The following NUP210 variants were observed in gnomAD, a reference collection of about 807,000 sequenced individuals.
The protein encoded by NUP210 is nuclear pore membrane glycoprotein 210.
Under a neutral mutation model 196.0 loss-of-function variants are expected in NUP210, and 151 were observed. That is an observed-to-expected ratio of 0.77 (90% CI 0.67 to 0.88). The LOEUF is 0.88. Ranked by LOEUF, NUP210 falls within the 40% of genes least tolerant of loss-of-function variation. The pLI is 0.00. For synonymous variants in NUP210, 1,070 were observed against 1,052.7 expected (o/e 1.02, Z -0.32); for missense variants, 2,314 against 2,493.7 (o/e 0.93, Z 1.53).
intron 20 of NUP210, chr3:13,345,052 T>C: frequency 1.0e-6 from 1 of 985,402 alleles, no homozygotes; most frequent in Non-Finnish European, 1.2e-6. Flanking sequence ...AGCACTCACA[T>C]GCCCTCGGGA....
rs1207205284 is a variant in NUP210, at chr3:13,378,967, T to G, written c.990A>C (p.Gln330His). The G allele has an allele frequency of 6.2e-7, 1 of 1,613,922 alleles. No individual in the cohort carries two copies. The highest frequency in any genetic ancestry group is 8.5e-7 in the Non-Finnish European group (1 of 1,179,906). The change falls in exon 8 of 40, where the codon CAA (glutamine) becomes CAC (histidine). Residue 330 changes from glutamine to histidine, a missense_variant. Physicochemically the swap from Gln to His is conservative, Grantham distance 24 (BLOSUM62 0). Transcript: ENST00000254508. ...LVLGHRSIRM[Q>H]GASRLPNSTI... ...TGCTGTTGGGTAACCTAGAAGCACC[T>G]TGCATGCGAATACCTGAATTTTGAA...
In NUP210 at chr3:13,321,762, T is replaced by C; in HGVS notation, c.4989A>G (p.Thr1663=). The change falls in exon 36 of 40, where the codon ACA becomes ACG. Residue 1663 remains threonine, a synonymous_variant. Coordinates refer to ENST00000254508, the MANE Select transcript of NUP210 (RefSeq NM_024923.4). ...AGAGGGAGGCACTGACCACCAGAGC[T>C]GTCTTCTTCATGCTCAGGTGCTTCC... is the stretch of plus-strand genomic sequence containing the variant. ...KQRKHLSMKK[T]ALVVSASLSS... is the part of the protein sequence containing the mutation. 1.2e-6 allele frequency: 2 copies of C among 1,613,362 alleles called. No individual in the cohort carries two copies. The highest frequency in any genetic ancestry group is 1.7e-6 in the Non-Finnish European group (2 of 1,180,016).
chr3:13,327,373 C>G lies in NUP210; in HGVS notation c.4351G>C (p.Val1451Leu). The change falls in exon 32 of 40, where the codon GTG becomes CTG. Residue 1451 changes from valine to leucine, a missense_variant. Physicochemically the swap from Val to Leu is conservative, Grantham distance 32. Transcript: ENST00000254508. ...CACACACGGAGCAGTGTCAGGCCCA[C>G]GCTGACTGTGCGGACAACGCAGGTG... is the stretch of plus-strand genomic sequence containing the variant. ...NNTCVVRTVSVGLTLLRVWDA... is the reference protein window; with the variant it reads ...NNTCVVRTVSLGLTLLRVWDA... 6.2e-7 allele frequency: 1 copy of G among 1,613,492 alleles called. No individual in the cohort carries two copies. The highest frequency in any genetic ancestry group is 8.5e-7 in the Non-Finnish European group (1 of 1,180,014).
rs1310321375 is a variant in NUP210, at chr3:13,353,675, A to G, written c.2522-15T>C. 4 of 1,610,616 alleles carry G rather than the reference A, an allele frequency of 2.5e-6. No individual in the cohort carries two copies. Among genetic ancestry groups the G allele is most frequent in the Non-Finnish European group, 3.4e-6 (4 of 1,176,848 alleles). ...GGCCTGCAAACCTGAGACCAGGAAG[A>G]AGGAAGCCACCGTTGGATGTCTGCC... On this transcript the variant is annotated splice_polypyrimidine_tract_variant and intron_variant, in intron 17 of 39. Coordinates refer to ENST00000254508, the MANE Select transcript of NUP210 (RefSeq NM_024923.4).
intron 22 of NUP210, 38 bp downstream of exon 22, chr3:13,341,958 C>T: frequency 1.2e-6 from 2 of 1,613,694 alleles, no homozygotes; most frequent in Non-Finnish European, 1.7e-6. Context: ...TCAGCACTGT[C>T]TCTGAGGTGC....
At chr3:13,416,726 A>T (rs1700359205) in intron 1 of NUP210, among the ~76,000 whole-genome samples, 1 of 152,212 alleles carries the variant, frequency 6.6e-6, no homozygotes, top group Non-Finnish European at 1.5e-5. Context: ...GTGCTCAGAC[A>T]CGGAGCCCTC....
At chr3:13,337,061 T>G (rs1697246108) in intron 26 of NUP210, 143 bp from the exon 27 acceptor site, 2 of 1,003,878 alleles carry the variant, frequency 2.0e-6, no homozygotes, top group South Asian at 3.0e-5. Context: ...GTTTGGGAAT[T>G]TTGATGAAAT....
At chr3:13,333,197 C>T (rs1008848097) in intron 28 of NUP210, among the ~76,000 whole-genome samples, 2 of 152,210 alleles carry the variant, frequency 1.3e-5, no homozygotes, top group East Asian at 1.9e-4. Context: ...GGTGGCTCCC[C>T]GAGCCCATGG....
At position 13,420,047 on chromosome 3, in the gene NUP210, C is replaced by A; in HGVS notation, c.167+13G>T. 2 of 1,262,368 alleles carry A rather than the reference C, an allele frequency of 1.6e-6. No homozygotes were observed. The highest frequency in any genetic ancestry group is 4.2e-5 in the East Asian group (1 of 24,056). The allele number at this position is 1,262,368 out of a possible 1,614,324, so 78.2% of individuals were successfully genotyped here. On this transcript the variant is annotated intron_variant, in intron 1 of 39. Coordinates refer to ENST00000254508, the MANE Select transcript of NUP210 (RefSeq NM_024923.4). The surrounding 1 kb of genome is among the most constrained non-coding windows in gnomAD (Gnocchi z 4.8). ...GGCCCACGGCGCCCGCCCGGCCCGGCCGCGCGCCTCACCAGCGGTAGCAGC... is the reference window on the plus strand; with the variant it reads ...GGCCCACGGCGCCCGCCCGGCCCGGACGCGCGCCTCACCAGCGGTAGCAGC...
At chr3:13,385,169 C>T (rs1304324920) in intron 6 of NUP210, among the ~76,000 whole-genome samples, 1 of 152,216 alleles carries the variant, frequency 6.6e-6, no homozygotes, top group African/African-American at 2.4e-5. Flanking sequence ...GGTGACTGCT[C>T]TCAGTTGAGC....
intron 21 of NUP210, 83 bp downstream of exon 21, chr3:13,343,092 T>G (rs1697578086): frequency 1.3e-6 from 2 of 1,536,968 alleles, no homozygotes; most frequent in Non-Finnish European, 1.8e-6. Context: ...GCAAAGGCCA[T>G]GCGGAACATT....
At chr3:13,396,138 G>C (rs1658351011) in intron 3 of NUP210, among the ~76,000 whole-genome samples, 1 of 152,136 alleles carries the variant, frequency 6.6e-6, no homozygotes, top group South Asian at 2.1e-4. Flanking sequence ...GCCATGTCTG[G>C]GCCATTTTTG....
rs7628051 is a variant in NUP210, at chr3:13,379,650, C to T, written c.889G>A (p.Ala297Thr). 864,199 of 1,613,482 alleles carry T rather than the reference C, an allele frequency of 0.54. 236,591 individuals carry two copies. The highest frequency in any genetic ancestry group is 0.78 in the African/African-American group (58,095 of 74,862). ...NSIPGPEGDPARPVAVLAQDT... is the reference protein window; with the variant it reads ...NSIPGPEGDPTRPVAVLAQDT... ...TGGGCCAAGACAGCCACCGGCCGGG[C>T]TGGGTCTCCTTCGGGGCCCGGGATG... The change falls in exon 7 of 40, where the codon GCC becomes ACC. Residue 297 changes from alanine (A) to threonine (T), a missense_variant. Coordinates refer to ENST00000254508, the MANE Select transcript of NUP210 (RefSeq NM_024923.4). The surrounding 1 kb of genome is among the most constrained non-coding windows in gnomAD (Gnocchi z 4.2).
At chr3:13,376,831 A>T (rs3796321) in intron 9 of NUP210, among the ~76,000 whole-genome samples, 94,243 of 151,592 alleles carry the variant, frequency 0.62, 30,866 homozygotes, top group African/African-American at 0.85. Context: ...AAGCAACGAC[A>T]TCTTCAAGGA....
chr3:13,419,432 G>A (rs1038023416), intron 1 of NUP210, among the ~76,000 whole-genome samples: 1 of 152,324 alleles, frequency 6.6e-6, no homozygotes, highest in Non-Finnish European at 1.5e-5. Flanking sequence ...CTCCCAACCC[G>A]AGAGGGAGGG....
intron 34 of NUP210, among the ~76,000 whole-genome samples, 153 bp from the exon 35 acceptor site, chr3:13,322,492 C>A (rs1389176316): frequency 6.6e-6 from 1 of 152,246 alleles, no homozygotes; most frequent in Admixed American, 6.5e-5. Flanking sequence ...CTTTGAGATG[C>A]AGCCAGGATT....
chr3:13,372,338 A>C (rs1698759394), intron 12 of NUP210, among the ~76,000 whole-genome samples: 1 of 152,184 alleles, frequency 6.6e-6, no homozygotes, highest in Admixed American at 6.5e-5. Context: ...CCTTGGAGGA[A>C]CATGGAGTCC....
chr3:13,364,079 T>C (rs1698454270), intron 14 of NUP210, among the ~76,000 whole-genome samples: 1 of 152,164 alleles, frequency 6.6e-6, no homozygotes, highest in African/African-American at 2.4e-5. Flanking sequence ...GGGCAGGTCT[T>C]GATCTCCTCA....
In NUP210 at chr3:13,348,747, C is replaced by G; in HGVS notation, c.2835+3132G>C. On this transcript the variant is annotated intron_variant, in intron 20 of 39. Coordinates refer to ENST00000254508, the MANE Select transcript of NUP210 (RefSeq NM_024923.4). The surrounding 1 kb of genome is among the most constrained non-coding windows in gnomAD (Gnocchi z 4.0). ...GGCGTCCTGCCATCCAAGGGTCTGCCTCTGAGAAGAACAGGAACAGTGGGA... is the reference window on the plus strand; with the variant it reads ...GGCGTCCTGCCATCCAAGGGTCTGCGTCTGAGAAGAACAGGAACAGTGGGA... The G allele has an allele frequency of 1.0e-6, 1 of 985,392 alleles. No homozygotes were observed. Among genetic ancestry groups the G allele is most frequent in the Non-Finnish European group, 1.2e-6 (1 of 829,932 alleles). The allele number at this position is 985,392 out of a possible 1,614,324, so 61.0% of individuals were successfully genotyped here.
Sources: allele counts gnomAD v4.1 joint callset (sites outside exome capture counted in the v4.1 genomes callset), GRCh38; gene constraint gnomAD v4.1.1; non-coding constraint Gnocchi (gnomAD v3.1); transcripts MANE v1.5; gene names NCBI Gene and HGNC (gene_info 2026-07-23, HGNC 2026-07-21).